Variants in LRIG1 observed in about 807,000 individuals in gnomAD.
LRIG1 encodes leucine-rich repeats and immunoglobulin-like domains protein 1.
A neutral mutation model predicts 99.2 loss-of-function variants in LRIG1; 48 were observed. The observed-to-expected ratio is 0.48, with a 90% CI of 0.38 to 0.62. The LOEUF (loss-of-function observed/expected upper bound fraction) is 0.62, where lower values mean the gene tolerates loss of function less well. Ranked by LOEUF, LRIG1 falls within the 20% of genes least tolerant of loss-of-function variation. LRIG1 has a pLI of 0.00. For synonymous variants in LRIG1, 772 were observed against 596.1 expected (o/e 1.29, Z -4.30); for missense variants, 1,646 against 1,434.4 (o/e 1.15, Z -2.38).
chr3:66,412,696 A>C lies in LRIG1; in HGVS notation c.791+175T>G, dbSNP rs1228460887. Among the ~76,000 whole-genome samples, 14 of 152,312 alleles carry C rather than the reference A, an allele frequency of 9.2e-5. No homozygotes were observed. In the East Asian group the frequency reaches 2.1e-3, roughly 23 times the overall value. Reference sequence around the variant, plus strand: ...AATGCTGGTGTGGGCGCGCACGTGCACACGCGCACGCACACACACCCCACA... The same window carrying C: ...AATGCTGGTGTGGGCGCGCACGTGCCCACGCGCACGCACACACACCCCACA... On this transcript the variant is annotated intron_variant, in intron 6 of 18. Coordinates refer to ENST00000273261, the MANE Select transcript of LRIG1 (RefSeq NM_015541.3).
intron 3 of LRIG1, among the ~76,000 whole-genome samples, chr3:66,430,899 A>G (rs1703149530): frequency 1.3e-5 from 2 of 151,952 alleles, no homozygotes; most frequent in South Asian, 4.2e-4. Flanking sequence ...TTTTCCCCCA[A>G]ATGTATCAAT....
chr3:66,434,922 C>T (rs1308780334), intron 3 of LRIG1, among the ~76,000 whole-genome samples: 1 of 152,090 alleles, frequency 6.6e-6, no homozygotes, highest in African/African-American at 2.4e-5. Flanking sequence ...CTGTCAATTG[C>T]ACTCCTGGGC....
chr3:66,386,108 T>C lies in LRIG1; in HGVS notation c.1662A>G (p.Glu554=). The part of the protein sequence containing the change: ...NFVHVHAQDG[E]VMEYTTILHL... The stretch of plus-strand genomic sequence containing the variant: ...GCAGGATGGTGGTGTACTCCATCAC[T>C]TCCCCGTCCTGCGCGTGGACGTGGA... The change falls in exon 13 of 19, where the codon GAA becomes GAG. Residue 554 remains glutamate (E), a synonymous_variant. Transcript: ENST00000273261. 3 of 1,614,170 alleles carry C rather than the reference T, an allele frequency of 1.9e-6. No homozygotes were observed. Among genetic ancestry groups the C allele is most frequent in the South Asian group, 2.2e-5 (2 of 91,082 alleles).
In LRIG1 at chr3:66,412,859, G is replaced by C. The variant is rs1702514193; in HGVS notation, c.791+12C>G. 2 of 1,613,814 alleles carry C rather than the reference G, an allele frequency of 1.2e-6. No individual in the cohort carries two copies. Among genetic ancestry groups the C allele is most frequent in the Admixed American group, 1.7e-5 (1 of 59,976 alleles). On this transcript the variant is annotated intron_variant, in intron 6 of 18. Transcript: ENST00000273261. ...AATCCTTAGCAATGCCAGTAACCTGGTCCGCACTTACAGCACATGCATCTT... is the reference window on the plus strand; with the variant it reads ...AATCCTTAGCAATGCCAGTAACCTGCTCCGCACTTACAGCACATGCATCTT...
chr3:66,427,982 C>T (rs1312209905), intron 3 of LRIG1, among the ~76,000 whole-genome samples: 1 of 152,202 alleles, frequency 6.6e-6, no homozygotes, highest in Non-Finnish European at 1.5e-5. Flanking sequence ...TTTTCTATCA[C>T]TGTACGATAT....
intron 3 of LRIG1, among the ~76,000 whole-genome samples, chr3:66,443,608 G>A (rs1202698776): frequency 1.3e-5 from 2 of 152,212 alleles, no homozygotes; most frequent in Non-Finnish European, 2.9e-5. Context: ...GACGGGCAGT[G>A]AGGTGCCCCT....
At chr3:66,426,680 A>G (rs1231883621) in intron 3 of LRIG1, among the ~76,000 whole-genome samples, 1 of 152,214 alleles carries the variant, frequency 6.6e-6, no homozygotes, top group African/African-American at 2.4e-5. Flanking sequence ...CAAGAGATCA[A>G]CCAGGTTCCT....
At chr3:66,478,978 T>C (rs1010632623) in intron 1 of LRIG1, among the ~76,000 whole-genome samples, 1 of 152,132 alleles carries the variant, frequency 6.6e-6, no homozygotes, top group South Asian at 2.1e-4. Flanking sequence ...CCCTTTCCCA[T>C]TAAAAGCCAC....
chr3:66,459,102 A>G (rs1171958826), intron 2 of LRIG1, among the ~76,000 whole-genome samples: 2 of 152,160 alleles, frequency 1.3e-5, no homozygotes, highest in Non-Finnish European at 2.9e-5. Context: ...TTATTAGCAC[A>G]CTGCTACAAT....
chr3:66,401,691 G>C (rs911027612), intron 9 of LRIG1: 1 of 1,522,256 alleles, frequency 6.6e-7, no homozygotes, highest in African/African-American at 1.4e-5. Context: ...CTGCTGCCAG[G>C]AGAAAGGAGA....
intron 2 of LRIG1, among the ~76,000 whole-genome samples, chr3:66,452,237 G>A (rs1018122143): frequency 1.3e-5 from 2 of 152,166 alleles, no homozygotes; most frequent in African/African-American, 4.8e-5. Flanking sequence ...ACACTTTTGC[G>A]CATAGACACT....
At chr3:66,418,975 T>G (rs570324046) in intron 3 of LRIG1, among the ~76,000 whole-genome samples, 1 of 152,128 alleles carries the variant, frequency 6.6e-6, no homozygotes, top group South Asian at 2.1e-4. Flanking sequence ...TTAATAAAGA[T>G]AGTCTCCTCA....
intron 3 of LRIG1, among the ~76,000 whole-genome samples, chr3:66,428,855 C>T (rs1703064617): frequency 6.6e-6 from 1 of 152,236 alleles, no homozygotes; most frequent in Admixed American, 6.5e-5. Context: ...ATAAGCAGGT[C>T]TCTCTCTCTT....
intron 12 of LRIG1, among the ~76,000 whole-genome samples, chr3:66,389,510 A>G (rs1404894924): frequency 6.6e-6 from 1 of 152,226 alleles, no homozygotes; most frequent in African/African-American, 2.4e-5. Context: ...AGTCACCAAA[A>G]GAGAACTAAA....
intron 3 of LRIG1, among the ~76,000 whole-genome samples, chr3:66,450,486 AC>A (rs891544225): frequency 1.3e-5 from 2 of 151,206 alleles, no homozygotes; most frequent in Non-Finnish European, 2.9e-5. Flanking sequence ...TGCAATTCTA[AC>A]CCCCCACGCT....
chr3:66,394,800 G>C (rs746266277), intron 11 of LRIG1, among the ~76,000 whole-genome samples: 1 of 152,086 alleles, frequency 6.6e-6, no homozygotes, highest in African/African-American at 2.4e-5. Flanking sequence ...AATAAGCCCC[G>C]TCACTGTGCC....
intron 9 of LRIG1, among the ~76,000 whole-genome samples, chr3:66,402,066 T>C (rs1702079434): frequency 6.6e-6 from 1 of 152,136 alleles, no homozygotes; most frequent in Non-Finnish European, 1.5e-5. Context: ...ACATCAGCTC[T>C]GCAAGATCCC....
rs1408637619 is a variant in LRIG1 at position 66,500,436 on chromosome 3, G to A, written c.-29C>T. The A allele has an allele frequency of 2.3e-6, 3 of 1,326,330 alleles. No homozygotes were observed. In the South Asian group the frequency reaches 5.8e-5, roughly 26 times the overall value. 82.2% of individuals were successfully genotyped at this position (1,326,330 alleles called of 1,614,324 possible). ...GTCTGGAGCGCGCTGCGAACTCCGG[G>A]CGCGGGGACTGTGAGGACCCGAACG... On this transcript the variant is annotated 5_prime_UTR_variant, in exon 1 of 19. Transcript: ENST00000273261.
At chr3:66,457,870 G>A (rs1269439960) in intron 2 of LRIG1, among the ~76,000 whole-genome samples, 1 of 152,160 alleles carries the variant, frequency 6.6e-6, no homozygotes, top group Non-Finnish European at 1.5e-5. Flanking sequence ...GATTATACTG[G>A]AGAACATGGG....
Sources: allele counts gnomAD v4.1 joint callset (sites outside exome capture counted in the v4.1 genomes callset), GRCh38; gene constraint gnomAD v4.1.1; transcripts MANE v1.5; gene names NCBI Gene and HGNC (gene_info 2026-07-23, HGNC 2026-07-21).